The following RBFOX1 variants were observed in gnomAD, a reference collection of about 807,000 sequenced individuals.
The protein encoded by RBFOX1 is RNA binding fox-1 homolog 1, also known as RNA binding protein fox-1 homolog 1.
RBFOX1 carries 8 observed loss-of-function variants against 57.7 expected under a neutral mutation model. The ratio of observed to expected loss-of-function variants is 0.14; its 90% CI spans 0.08 to 0.25. The LOEUF is 0.25. Among genes scored for constraint, RBFOX1 ranks in the 10% least tolerant of loss-of-function variants. RBFOX1 has a pLI of 1.00. For synonymous variants in RBFOX1, 326 were observed against 222.4 expected (o/e 1.47, Z -4.15); for missense variants, 611 against 548.5 (o/e 1.11, Z -1.14).
At chr16:6,909,509 C>G (rs527799239) in intron 3 of RBFOX1, among the ~76,000 whole-genome samples, 4 of 152,336 alleles carry the variant, frequency 2.6e-5, no homozygotes, top group Non-Finnish European at 2.9e-5. Flanking sequence ...GTCTATCACA[C>G]TCTCTAAAGG....
chr16:5,702,293 G>C (rs990523796), intron 3 of RBFOX1, among the ~76,000 whole-genome samples: 11 of 152,294 alleles, frequency 7.2e-5, no homozygotes, highest in Admixed American at 7.2e-4. Context: ...AGGAGATAGA[G>C]CAAAAGGGGA....
chr16:6,892,101 C>T (rs903616469), intron 3 of RBFOX1, among the ~76,000 whole-genome samples: 1 of 152,118 alleles, frequency 6.6e-6, no homozygotes, highest in Non-Finnish European at 1.5e-5. Context: ...TCCTTTACAG[C>T]ACGTTGACTC....
chr16:6,618,883 C>T (rs981137328), intron 2 of RBFOX1, among the ~76,000 whole-genome samples: 2 of 152,228 alleles, frequency 1.3e-5, no homozygotes, highest in Admixed American at 6.5e-5. Flanking sequence ...TGTTGTTGTC[C>T]TCCCCTTAGA....
chr16:6,869,304 C>A (rs1318964369), intron 3 of RBFOX1, among the ~76,000 whole-genome samples: 1 of 152,120 alleles, frequency 6.6e-6, no homozygotes, highest in African/African-American at 2.4e-5. Context: ...CTTATTATAT[C>A]TTGCCACTGC....
intron 3 of RBFOX1, among the ~76,000 whole-genome samples, chr16:6,922,782 A>G (rs2153457082): frequency 6.6e-6 from 1 of 152,284 alleles, no homozygotes; most frequent in Non-Finnish European, 1.5e-5. Context: ...ACTGTGAGTA[A>G]TAAATCAGGA....
Position 5,567,613 on chromosome 16 carries a change from G to T in RBFOX1, c.259-31289G>T, listed in dbSNP as rs116465143. On this transcript the variant is annotated intron_variant, in intron 2 of 2. Transcript: ENST00000585867. ...AGGAGAAGCCAGCTTAAACCATAGT[G>T]GGGGGGTATTCAGGTTATAGGCAAA... Among the ~76,000 whole-genome samples the T allele has an allele frequency of 6.7e-3, 995 of 148,762 alleles. 6 individuals are homozygous for T. The highest frequency in any genetic ancestry group is 0.021 in the African/African-American group (826 of 40,042).
At chr16:5,593,919 C>G (rs938361392) in intron 2 of RBFOX1, among the ~76,000 whole-genome samples, 1 of 152,126 alleles carries the variant, frequency 6.6e-6, no homozygotes, top group Non-Finnish European at 1.5e-5. Context: ...CCCCATTTGT[C>G]TTACACAACC....
intron 2 of RBFOX1, among the ~76,000 whole-genome samples, chr16:5,545,727 C>T (rs1019589299): frequency 2.0e-5 from 3 of 152,012 alleles, no homozygotes; most frequent in Admixed American, 6.6e-5. Flanking sequence ...TATGAAAAAT[C>T]TCTTTCATAC....
intron 3 of RBFOX1, among the ~76,000 whole-genome samples, chr16:5,863,794 C>T (rs1201171442): frequency 2.0e-5 from 3 of 152,170 alleles, no homozygotes; most frequent in Non-Finnish European, 2.9e-5. Flanking sequence ...TATGCCTTAC[C>T]TTCTACTGTG....
At chr16:6,489,033 A>G (rs1225923525) in intron 2 of RBFOX1, among the ~76,000 whole-genome samples, 1 of 152,206 alleles carries the variant, frequency 6.6e-6, no homozygotes, top group Non-Finnish European at 1.5e-5. Flanking sequence ...GTCTGACACT[A>G]AAATTGTTAC....
At chr16:5,808,433 T>C (rs199962352) in intron 3 of RBFOX1, among the ~76,000 whole-genome samples, 1 of 151,908 alleles carries the variant, frequency 6.6e-6, no homozygotes, top group Non-Finnish European at 1.5e-5. Context: ...AACTTTAAAG[T>C]AGTTTTTTCC....
chr16:5,611,140 C>T (rs1181333813), intron 3 of RBFOX1: 1 of 152,298 alleles, frequency 6.6e-6, no homozygotes, highest in Non-Finnish European at 1.5e-5. Context: ...GCAACATCTC[C>T]ATCCCGAATC....
chr16:5,567,842 C>G (rs1013296653), intron 2 of RBFOX1, among the ~76,000 whole-genome samples: 26 of 150,350 alleles, frequency 1.7e-4, no homozygotes, highest in African/African-American at 6.3e-4. Context: ...TTCGTTAATC[C>G]CCACGACTTT....
At position 6,234,816 on chromosome 16, in the gene RBFOX1, G is replaced by GACAC. The variant is rs57296223; in HGVS notation, c.-126-82163_-126-82160dup. On this transcript the variant is annotated intron_variant, in intron 1 of 15. Coordinates refer to ENST00000550418, the MANE Select transcript of RBFOX1 (RefSeq NM_018723.4). ...CACACATACGCATGAACTACACACAGACACACACACACACACACAGGCACA... is the reference window on the plus strand; with the variant it reads ...CACACATACGCATGAACTACACACAGACACACACACACACACACACACAGGCACA... Among the ~76,000 whole-genome samples the GACAC allele has an allele frequency of 6.0e-4, 90 of 150,730 alleles. 1 individual carries two copies. Among genetic ancestry groups the GACAC allele is most frequent in the East Asian group, 1.8e-3 (9 of 5,060 alleles).
At chr16:6,279,166 T>C (rs972939021) in intron 1 of RBFOX1, among the ~76,000 whole-genome samples, 1 of 152,184 alleles carries the variant, frequency 6.6e-6, no homozygotes, top group Non-Finnish European at 1.5e-5. Flanking sequence ...TTATAAAACA[T>C]TTACATCTTG....
chr16:6,480,917 A>G (rs780161245), intron 2 of RBFOX1, among the ~76,000 whole-genome samples: 2 of 152,202 alleles, frequency 1.3e-5, no homozygotes, highest in African/African-American at 4.8e-5. Flanking sequence ...GATATGCCAT[A>G]TTTTTAATGC....
intron 1 of RBFOX1, among the ~76,000 whole-genome samples, chr16:6,064,793 G>A (rs1205124287): frequency 6.6e-6 from 1 of 151,980 alleles, no homozygotes; most frequent in Non-Finnish European, 1.5e-5. Context: ...TTGTGTGTAT[G>A]CTTTTGAATA....
In RBFOX1 at chr16:6,500,166, C is replaced by T. The variant is rs537024931; in HGVS notation, c.-63-154437C>T. 2.0e-5 allele frequency among the ~76,000 whole-genome samples: 3 copies of T among 152,312 alleles called. No homozygotes were observed. The East Asian group carries it at 5.8e-4, about 29-fold the overall frequency. ...TCTAGAAACCTTTGAGTCACGCCAA[C>T]TCTTTTTAAATACCTGGTCATCATG... is the stretch of plus-strand genomic sequence containing the variant. On this transcript the variant is annotated intron_variant, in intron 2 of 15. Coordinates refer to ENST00000550418, the MANE Select transcript of RBFOX1 (RefSeq NM_018723.4).
At chr16:6,885,323 G>T (rs904296585) in intron 3 of RBFOX1, among the ~76,000 whole-genome samples, 2 of 152,188 alleles carry the variant, frequency 1.3e-5, no homozygotes, top group African/African-American at 2.4e-5. Flanking sequence ...TGAGTCAGAA[G>T]CTCTAGGGTT....
Sources: allele counts gnomAD v4.1 joint callset (sites outside exome capture counted in the v4.1 genomes callset), GRCh38; gene constraint gnomAD v4.1.1; transcripts MANE v1.5; gene names NCBI Gene and HGNC (gene_info 2026-07-23, HGNC 2026-07-21).